ERGIC2: variants seen among roughly 807,000 people sequenced by gnomAD.
The protein encoded by ERGIC2 is endoplasmic reticulum-Golgi intermediate compartment protein 2.
ERGIC2 carries 31 observed loss-of-function variants against 52.5 expected under a neutral mutation model. The ratio of observed to expected loss-of-function variants is 0.59; its 90% CI spans 0.44 to 0.80. The LOEUF (loss-of-function observed/expected upper bound fraction) is 0.80. Among genes scored for constraint, ERGIC2 ranks in the 30% least tolerant of loss-of-function variants. The pLI, the probability that ERGIC2 is intolerant of heterozygous loss-of-function variation, is 0.00. For missense variants in ERGIC2, 395 were observed against 455.2 expected (o/e 0.87, Z 1.20); for synonymous variants, 129 against 140.6 (o/e 0.92, Z 0.58).
intron 12 of ERGIC2, among the ~76,000 whole-genome samples, chr12:29,342,170 C>G (rs147827331): frequency 2.0e-5 from 3 of 152,108 alleles, no homozygotes; most frequent in African/African-American, 7.2e-5. Flanking sequence ...TACCACCATG[C>G]CCGGCTAATT....
At chr12:29,361,388 C>A (rs898626995) in intron 6 of ERGIC2, among the ~76,000 whole-genome samples, 1 of 152,014 alleles carries the variant, frequency 6.6e-6, no homozygotes, top group Non-Finnish European at 1.5e-5. Flanking sequence ...CTTTTGTAAT[C>A]AAAAAATGTA....
chr12:29,359,019 A>G (rs1940247531), intron 6 of ERGIC2, among the ~76,000 whole-genome samples: 1 of 152,126 alleles, frequency 6.6e-6, no homozygotes, highest in African/African-American at 2.4e-5. Context: ...ATATTTTAGG[A>G]AAGTATTATA....
intron 8 of ERGIC2, among the ~76,000 whole-genome samples, chr12:29,355,267 T>C (rs1018802414): frequency 3.3e-5 from 5 of 152,196 alleles, no homozygotes; most frequent in Admixed American, 3.3e-4. Context: ...AAATAATTAT[T>C]AATGTATTCA....
intron 1 of ERGIC2, among the ~76,000 whole-genome samples, chr12:29,375,813 G>T (rs1450782995): frequency 6.6e-6 from 1 of 152,060 alleles, no homozygotes; most frequent in East Asian, 1.9e-4. Context: ...ACTCTAGAAT[G>T]GAGCACCTCG....
chr12:29,377,570 T>C (rs184087615), intron 1 of ERGIC2, among the ~76,000 whole-genome samples: 1 of 152,344 alleles, frequency 6.6e-6, no homozygotes, highest in African/African-American at 2.4e-5. Flanking sequence ...ACTTGTTCAG[T>C]AGGCATGCAA....
At chr12:29,356,872 T>C (rs1940213617) in intron 7 of ERGIC2, among the ~76,000 whole-genome samples, 4 of 152,128 alleles carry the variant, frequency 2.6e-5, no homozygotes, top group Admixed American at 2.6e-4. Context: ...GCCACCTAAA[T>C]TCAAAGAGAC....
rs1255780194 is a variant in ERGIC2, at chr12:29,381,121, TTATGGTCCCAGCC to T, written c.-57_-45del. On this transcript the variant is annotated 5_prime_UTR_variant, in exon 1 of 14. An upstream open reading frame in the 5' UTR gains an earlier in-frame stop. Transcript: ENST00000360150. ...CGGTGTTTCAGTATTTTACCTTGTG[TTATGGTCCCAGCC>T]TACCGCCATGTTTCACAGAAGCCCG... 6.6e-6 allele frequency: 1 copy of T among 152,186 alleles called. No homozygotes were observed. Among genetic ancestry groups the T allele is most frequent in the African/African-American group, 2.4e-5 (1 of 41,440 alleles). The allele number at this position is 152,186 out of a possible 1,614,324, so 9.4% of individuals were successfully genotyped here.
At chr12:29,341,999 A>G (rs1293107350) in intron 12 of ERGIC2, 183 bp from the exon 13 acceptor site, 12 of 451,886 alleles carry the variant, frequency 2.7e-5, no homozygotes, top group African/African-American at 1.8e-4. Flanking sequence ...ACAAGGCCAC[A>G]TAATTCACGA....
rs953761241 is a variant in ERGIC2 at position 29,339,105 on chromosome 12, T to C, written c.*2051A>G. Reference sequence around the variant, plus strand: ...TCCATTGCCAAAAATCTGACTCTATTTGAGGAGTTTCAGATGGAAGCCTTT... The same window carrying C: ...TCCATTGCCAAAAATCTGACTCTATCTGAGGAGTTTCAGATGGAAGCCTTT... On this transcript the variant is annotated 3_prime_UTR_variant, in exon 14 of 14. Transcript: ENST00000360150. 48 of 152,170 alleles carry C rather than the reference T, an allele frequency of 3.2e-4. No individual in the cohort carries two copies. The highest frequency in any genetic ancestry group is 6.8e-4 in the Non-Finnish European group (46 of 68,032). The allele number at this position is 152,170 out of a possible 1,614,324, so 9.4% of individuals were successfully genotyped here.
chr12:29,343,964 T>G (rs1323912188), intron 11 of ERGIC2, among the ~76,000 whole-genome samples: 1 of 152,192 alleles, frequency 6.6e-6, no homozygotes, highest in African/African-American at 2.4e-5. Flanking sequence ...TCCATTCTTT[T>G]TTAAGTTAAA....
rs750487648 is a variant in ERGIC2 at position 29,343,126 on chromosome 12, T to C, written c.982A>G (p.Thr328Ala). The C allele has an allele frequency of 6.3e-7, 1 of 1,593,964 alleles. No individual in the cohort carries two copies. Among genetic ancestry groups the C allele is most frequent in the Non-Finnish European group, 8.5e-7 (1 of 1,169,882 alleles). ...AAAGGAAATGGTTGTTAACCTGTTG[T>C]TGAAAAGATTCCTCCAACAATACCA... is the stretch of plus-strand genomic sequence containing the variant. ...LCGIVGGIFSTTGMLHGIGKF... is the reference protein window; with the variant it reads ...LCGIVGGIFSATGMLHGIGKF... Residue 328 changes from threonine (T) to alanine (A), a missense_variant, in exon 12 of 14, where the codon ACA becomes GCA. Physicochemically the swap from Thr to Ala is moderately conservative, Grantham distance 58. Coordinates refer to ENST00000360150, the MANE Select transcript of ERGIC2 (RefSeq NM_016570.3).
intron 1 of ERGIC2, among the ~76,000 whole-genome samples, chr12:29,374,860 C>G (rs960586411): frequency 1.3e-5 from 2 of 152,140 alleles, no homozygotes; most frequent in Non-Finnish European, 2.9e-5. Context: ...TCTCTCTATA[C>G]TGTAATAATA....
intron 4 of ERGIC2, among the ~76,000 whole-genome samples, chr12:29,367,926 G>C (rs531697469): frequency 1.3e-5 from 2 of 151,520 alleles, no homozygotes; most frequent in East Asian, 3.9e-4. Flanking sequence ...GTGAAACATG[G>C]GTATAAAAGC....
In ERGIC2 at chr12:29,337,769, A is replaced by G. The variant is rs1949807285; in HGVS notation, c.*3387T>C. 6.6e-6 allele frequency: 1 copy of G among 152,208 alleles called. No individual in the cohort carries two copies. Among genetic ancestry groups the G allele is most frequent in the Non-Finnish European group, 1.5e-5 (1 of 68,036 alleles). 9.4% of individuals were successfully genotyped at this position (152,208 alleles called of 1,614,324 possible). ...ATCAAAAATAGGCATTTTGAATTCA[A>G]GTGTAAGCTCTGAATTTTCAAGGAG... On this transcript the variant is annotated 3_prime_UTR_variant, in exon 14 of 14. Transcript: ENST00000360150.
intron 8 of ERGIC2, among the ~76,000 whole-genome samples, chr12:29,352,914 G>T (rs773460346): frequency 6.6e-6 from 1 of 152,038 alleles, no homozygotes; most frequent in Non-Finnish European, 1.5e-5. Context: ...TCACCTTGAA[G>T]ATCTCCTTTA....
rs1220053253 is a variant in ERGIC2, at chr12:29,339,350, C to T, written c.*1806G>A. On this transcript the variant is annotated 3_prime_UTR_variant, in exon 14 of 14. Transcript: ENST00000360150. ...AAAATAATCCTAAATCAATATTGTTCTCCCTCCCATTTAGAAAAAGCCTTG... is the reference window on the plus strand; with the variant it reads ...AAAATAATCCTAAATCAATATTGTTTTCCCTCCCATTTAGAAAAAGCCTTG... 2.0e-5 allele frequency: 3 copies of T among 152,060 alleles called. No homozygotes were observed. Among genetic ancestry groups the T allele is most frequent in the Admixed American group, 6.6e-5 (1 of 15,260 alleles). The allele number at this position is 152,060 out of a possible 1,614,324, so 9.4% of individuals were successfully genotyped here.
At chr12:29,342,008 G>T in intron 12 of ERGIC2, 192 bp from the exon 13 acceptor site, 1 of 435,788 alleles carries the variant, frequency 2.3e-6, no homozygotes, top group Non-Finnish European at 4.2e-6. Flanking sequence ...CATAATTCAC[G>T]ATCTCAGCAC....
At chr12:29,345,704 G>T (rs1940038706) in intron 10 of ERGIC2, 164 bp from the exon 11 acceptor site, 2 of 604,230 alleles carry the variant, frequency 3.3e-6, no homozygotes, top group East Asian at 5.8e-5. Context: ...GCTTGAGTGT[G>T]GGAGTTCAAG....
chr12:29,369,327 G>A (rs1940407597), intron 3 of ERGIC2, among the ~76,000 whole-genome samples: 1 of 151,934 alleles, frequency 6.6e-6, no homozygotes, highest in Non-Finnish European at 1.5e-5. Context: ...ATCCTGAATA[G>A]TACATTAGAG....
Sources: allele counts gnomAD v4.1 joint callset (sites outside exome capture counted in the v4.1 genomes callset), GRCh38; gene constraint gnomAD v4.1.1; transcripts MANE v1.5; gene names NCBI Gene and HGNC (gene_info 2026-07-23, HGNC 2026-07-21).